PLCG2: variants seen among roughly 807,000 people sequenced by gnomAD.
PLCG2 encodes 1-phosphatidylinositol 4,5-bisphosphate phosphodiesterase gamma-2.
In PLCG2, 69 loss-of-function variants were observed where a neutral mutation model predicts 175.6. The observed-to-expected ratio is 0.39, with a 90% CI of 0.32 to 0.48. The LOEUF is 0.48. Ranked by LOEUF, PLCG2 falls within the 20% of genes least tolerant of loss-of-function variation. PLCG2 has a pLI of 0.91. For missense variants in PLCG2, 1,798 were observed against 1,650.9 expected (o/e 1.09, Z -1.54); for synonymous variants, 827 against 624.0 (o/e 1.33, Z -4.85).
intron 2 of PLCG2, among the ~76,000 whole-genome samples, chr16:81,818,012 A>T (rs1215112376): frequency 6.6e-6 from 1 of 152,206 alleles, no homozygotes; most frequent in Non-Finnish European, 1.5e-5. Context: ...CCTGGTTGTC[A>T]TCTACTCTCT....
At chr16:81,883,203 C>T in intron 8 of PLCG2, 66 bp from the exon 9 acceptor site, 3 of 1,420,616 alleles carry the variant, frequency 2.1e-6, no homozygotes, top group African/African-American at 2.8e-5. Flanking sequence ...CATTGGCTGG[C>T]ATCTCCTCTC....
At chr16:81,747,807 A>G (rs898085396) in intron 1 of PLCG2, among the ~76,000 whole-genome samples, 1 of 152,230 alleles carries the variant, frequency 6.6e-6, no homozygotes, top group Admixed American at 6.5e-5. Flanking sequence ...TGTCAGTGTC[A>G]TAAAAGACAA....
chr16:81,793,015 A>C (rs918227638), intron 2 of PLCG2, among the ~76,000 whole-genome samples: 1 of 152,204 alleles, frequency 6.6e-6, no homozygotes, highest in Admixed American at 6.5e-5. Context: ...TCTTTTTAAG[A>C]TGTGGGAAAT....
intron 1 of PLCG2, among the ~76,000 whole-genome samples, chr16:81,740,074 G>T (rs1387806915): frequency 2.8e-5 from 4 of 143,394 alleles, no homozygotes; most frequent in African/African-American, 1.1e-4. Context: ...GGAGGTGGGG[G>T]TTGCAGTGAG....
chr16:81,952,278 C>G (rs985471269), intron 31 of PLCG2, among the ~76,000 whole-genome samples: 1 of 151,902 alleles, frequency 6.6e-6, no homozygotes, highest in African/African-American at 2.4e-5. Flanking sequence ...TATATATATT[C>G]ACACGTAGAT....
At chr16:81,857,053 C>G (rs146476394) in intron 3 of PLCG2, among the ~76,000 whole-genome samples, 77 of 152,106 alleles carry the variant, frequency 5.1e-4, no homozygotes, top group African/African-American at 1.8e-3. Context: ...CTTCTGGCCT[C>G]TCTAACAGTC....
At chr16:81,933,281 A>G (rs370460180) in intron 25 of PLCG2, among the ~76,000 whole-genome samples, 10 of 152,206 alleles carry the variant, frequency 6.6e-5, no homozygotes, top group East Asian at 5.8e-4. Context: ...CACACTGGGC[A>G]CAGCTACCCC....
rs200800716 is a variant in PLCG2, at chr16:81,956,854, C to T, written c.3730C>T (p.Leu1244=). 1 of 1,613,854 alleles carries T rather than the reference C, an allele frequency of 6.2e-7. No individual in the cohort carries two copies. The highest frequency in any genetic ancestry group is 1.1e-5 in the South Asian group (1 of 91,006). Residue 1244 remains leucine (L), a synonymous_variant, in exon 32 of 33, where the codon CTG becomes TTG. Transcript: ENST00000564138. ...CAGTGTTAATGAGAACCAGCTCCAGCTGTACCAGGAGAAATGCAACAAGAG... is the reference window on the plus strand; with the variant it reads ...CAGTGTTAATGAGAACCAGCTCCAGTTGTACCAGGAGAAATGCAACAAGAG... The part of the protein sequence containing the change: ...EFSVNENQLQ[L]YQEKCNKRLR...
chr16:81,781,349 C>T (rs978975862), intron 1 of PLCG2, among the ~76,000 whole-genome samples: 1 of 151,774 alleles, frequency 6.6e-6, no homozygotes, highest in African/African-American at 2.4e-5. Flanking sequence ...ACTGAGCGTT[C>T]TTCAGTGCAT....
upstream of PLCG2, among the ~76,000 whole-genome samples, chr16:81,775,844 T>A (rs1370179117): frequency 6.6e-6 from 1 of 152,070 alleles, no homozygotes; most frequent in East Asian, 1.9e-4. Context: ...CCTGACCCAT[T>A]TGTGCATCTA....
Position 81,751,583 on chromosome 16 carries a change from A to G in PLCG2, c.-144-4287A>G, listed in dbSNP as rs987061423. Reference sequence around the variant, plus strand: ...TGGTAAATGTCATTAATAATAGAGTATGGTACATTTCAAAATTGCTAAGAG... The same window carrying G: ...TGGTAAATGTCATTAATAATAGAGTGTGGTACATTTCAAAATTGCTAAGAG... On this transcript the variant is annotated intron_variant, in intron 1 of 5. Transcript: ENST00000565054. 2.0e-4 allele frequency among the ~76,000 whole-genome samples: 31 copies of G among 152,300 alleles called. 1 individual carries two copies. Among genetic ancestry groups the G allele is most frequent in the Non-Finnish European group, 2.9e-5 (2 of 68,024 alleles).
At chr16:81,888,108 G>A (rs1225423187) in intron 9 of PLCG2, among the ~76,000 whole-genome samples, 2 of 152,202 alleles carry the variant, frequency 1.3e-5, no homozygotes, top group Admixed American at 6.5e-5. Context: ...TTCCTTTTCT[G>A]TAAAATGACA....
At chr16:81,879,572 C>T (rs528235532) in intron 7 of PLCG2, among the ~76,000 whole-genome samples, 2 of 152,278 alleles carry the variant, frequency 1.3e-5, no homozygotes, top group African/African-American at 2.4e-5. Context: ...CCCATGACGT[C>T]CTGGGCTGCA....
chr16:81,831,556 C>T (rs530006231), intron 2 of PLCG2, among the ~76,000 whole-genome samples: 1 of 152,184 alleles, frequency 6.6e-6, no homozygotes, highest in Non-Finnish European at 1.5e-5. Flanking sequence ...TCATCCAACC[C>T]CATACTCCAG....
At chr16:81,854,363 G>T (rs1341853018) in intron 2 of PLCG2, 81 bp from the exon 3 acceptor site, 5 of 1,306,444 alleles carry the variant, frequency 3.8e-6, no homozygotes, top group Non-Finnish European at 5.5e-6. Context: ...GCCAGGCTGT[G>T]CCTGGGCTGC....
chr16:81,822,021 G>T (rs1024000979), intron 2 of PLCG2, among the ~76,000 whole-genome samples: 1 of 152,194 alleles, frequency 6.6e-6, no homozygotes, highest in Non-Finnish European at 1.5e-5. Context: ...GGGAAGATGA[G>T]ACTAGACTCT....
At chr16:81,796,724 G>C (rs1911484175) in intron 2 of PLCG2, among the ~76,000 whole-genome samples, 2 of 152,188 alleles carry the variant, frequency 1.3e-5, no homozygotes. Flanking sequence ...AAGGCCATGT[G>C]AAGACAGATA....
chr16:81,836,681 A>G (rs548698002), intron 2 of PLCG2, among the ~76,000 whole-genome samples: 10 of 152,314 alleles, frequency 6.6e-5, no homozygotes, highest in African/African-American at 2.4e-4. Context: ...GCTGAGGTGC[A>G]GTGAGCTGAG....
chr16:81,854,364 C>A, intron 2 of PLCG2, 80 bp from the exon 3 acceptor site: 2 of 1,312,612 alleles, frequency 1.5e-6, no homozygotes, highest in Admixed American at 1.7e-5. Flanking sequence ...CCAGGCTGTG[C>A]CTGGGCTGCA....
Sources: gnomAD v4.1 joint callset for allele counts (sites outside exome capture counted in the v4.1 genomes callset) on GRCh38, gnomAD v4.1.1 for gene constraint, MANE v1.5 for transcripts, NCBI Gene and HGNC (gene_info 2026-07-23, HGNC 2026-07-21) for gene names.